NRG3: variants seen among roughly 807,000 people sequenced by gnomAD.
NRG3 encodes the protein pro-neuregulin-3, membrane-bound isoform.
A neutral mutation model predicts 66.9 loss-of-function variants in NRG3; 31 were observed. The observed-to-expected ratio is 0.46, with a 90% CI of 0.35 to 0.63. The LOEUF is 0.63. Among genes scored for constraint, NRG3 ranks in the 20% least tolerant of loss-of-function variants. The pLI, the probability that NRG3 is intolerant of heterozygous loss-of-function variation, is 0.00. For synonymous variants in NRG3, 393 were observed against 359.4 expected (o/e 1.09, Z -1.06); for missense variants, 910 against 878.9 (o/e 1.04, Z -0.45).
chr10:82,321,434 C>T (rs1357372092), intron 1 of NRG3, among the ~76,000 whole-genome samples: 6 of 152,172 alleles, frequency 3.9e-5, no homozygotes, highest in Non-Finnish European at 8.8e-5. Context: ...TCCTTAAAAC[C>T]ACCTGCGACG....
rs141352615 is a variant in NRG3 at position 82,746,068 on chromosome 10, T to A, written c.1027+7418T>A. Among the ~76,000 whole-genome samples the A allele has an allele frequency of 4.2e-3, 640 of 152,186 alleles. 8 individuals carry two copies. The highest frequency in any genetic ancestry group is 0.014 in the African/African-American group (586 of 41,538). ...CACACTCAACTACTTTTTAAAAAAA[T>A]GTTTATAAGGACAGGGTCTTGCTAT... is the stretch of plus-strand genomic sequence containing the variant. On this transcript the variant is annotated intron_variant, in intron 3 of 8. Transcript: ENST00000372141.
chr10:82,214,621 C>T (rs1024219323), intron 1 of NRG3, among the ~76,000 whole-genome samples: 4 of 150,954 alleles, frequency 2.6e-5, no homozygotes, highest in Admixed American at 6.6e-5. Flanking sequence ...TGCCACCACA[C>T]CTGGCTAATT....
chr10:82,169,750 T>C (rs1055976216), intron 1 of NRG3, among the ~76,000 whole-genome samples: 4 of 151,850 alleles, frequency 2.6e-5, no homozygotes, highest in Admixed American at 2.0e-4. Context: ...TTTTATTCTC[T>C]ATTAAAGATT....
In NRG3 at chr10:82,434,824, A is replaced by C. The variant is rs184689957; in HGVS notation, c.953+75956A>C. ...TTGATCGTGGTGGATAAGTTGTTTGATGTTCTGCTGGTTTCCGTTTCCCAT... is the reference window on the plus strand; with the variant it reads ...TTGATCGTGGTGGATAAGTTGTTTGCTGTTCTGCTGGTTTCCGTTTCCCAT... On this transcript the variant is annotated intron_variant, in intron 2 of 8. Coordinates refer to ENST00000372141, the MANE Select transcript of NRG3 (RefSeq NM_001010848.4). 4.9e-3 allele frequency among the ~76,000 whole-genome samples: 746 copies of C among 152,092 alleles called. 9 individuals carry two copies. The Middle Eastern group carries it at 0.054, about 11-fold the overall frequency.
intron 2 of NRG3, among the ~76,000 whole-genome samples, chr10:82,383,815 G>C (rs1252851694): frequency 2.6e-5 from 4 of 151,794 alleles, no homozygotes; most frequent in Non-Finnish European, 5.9e-5. Context: ...TTAAATAAAT[G>C]ATAATTTTTC....
intron 4 of NRG3, among the ~76,000 whole-genome samples, chr10:82,929,258 C>G (rs1351732192): frequency 6.6e-6 from 1 of 152,116 alleles, no homozygotes; most frequent in African/African-American, 2.4e-5. Context: ...CATGAAATAT[C>G]TTCTGCTTTG....
chr10:81,966,122 T>A (rs1205361041), intron 1 of NRG3, among the ~76,000 whole-genome samples: 2 of 151,838 alleles, frequency 1.3e-5, no homozygotes, highest in African/African-American at 4.8e-5. Context: ...TATAAATGTT[T>A]TTCAACACAT....
At chr10:82,313,171 TCAAAAAAA>T (rs1034809454) in intron 1 of NRG3, among the ~76,000 whole-genome samples, 13 of 151,446 alleles carry the variant, frequency 8.6e-5, no homozygotes, top group African/African-American at 3.2e-4. Context: ...AGACCCTGTC[TCAAAAAAA>T]CAAAAAAATT....
At chr10:82,674,132 T>C (rs2053499238) in intron 2 of NRG3, among the ~76,000 whole-genome samples, 1 of 152,164 alleles carries the variant, frequency 6.6e-6, no homozygotes, top group African/African-American at 2.4e-5. Flanking sequence ...GGACTCTGTA[T>C]GGCAAAATTA....
rs534365345 is a variant in NRG3, at chr10:82,825,729, A to G, written c.1028-39682A>G. 2.1e-4 allele frequency among the ~76,000 whole-genome samples: 32 copies of G among 152,338 alleles called. 1 individual carries two copies. The South Asian group carries it at 6.4e-3, about 31-fold the overall frequency. ...CGGATGAAGTTACATATCTGTTTATATATTTCAACAAGGGAAAGCTAATCA... is the reference window on the plus strand; with the variant it reads ...CGGATGAAGTTACATATCTGTTTATGTATTTCAACAAGGGAAAGCTAATCA... On this transcript the variant is annotated intron_variant, in intron 3 of 8. Coordinates refer to ENST00000372141, the MANE Select transcript of NRG3 (RefSeq NM_001010848.4).
At chr10:82,140,516 G>T (rs955485919) in intron 1 of NRG3, among the ~76,000 whole-genome samples, 1 of 152,106 alleles carries the variant, frequency 6.6e-6, no homozygotes, top group Non-Finnish European at 1.5e-5. Context: ...TTTATTAAAT[G>T]AGTTTCCAAA....
intron 1 of NRG3, among the ~76,000 whole-genome samples, chr10:82,282,045 C>G (rs2079149498): frequency 6.6e-6 from 1 of 151,786 alleles, no homozygotes; most frequent in Non-Finnish European, 1.5e-5. Flanking sequence ...GGCTGTGGGT[C>G]TCAAACTCAT....
chr10:82,135,940 T>C (rs1378078940), intron 1 of NRG3, among the ~76,000 whole-genome samples: 1 of 152,152 alleles, frequency 6.6e-6, no homozygotes, highest in African/African-American at 2.4e-5. Context: ...GGGTATTTTT[T>C]GTAGTCTTTG....
intron 2 of NRG3, among the ~76,000 whole-genome samples, chr10:82,388,265 T>C (rs1249444380): frequency 6.6e-6 from 1 of 152,156 alleles, no homozygotes; most frequent in African/African-American, 2.4e-5. Context: ...TATGAACAAA[T>C]GTGGACCCAT....
intron 2 of NRG3, among the ~76,000 whole-genome samples, chr10:82,563,009 G>A (rs1291106643): frequency 6.6e-6 from 1 of 152,054 alleles, no homozygotes; most frequent in African/African-American, 2.4e-5. Flanking sequence ...TGCAGAAAGA[G>A]AAAAATGGGC....
chr10:82,203,431 C>T (rs955253918), intron 1 of NRG3, among the ~76,000 whole-genome samples: 12 of 152,126 alleles, frequency 7.9e-5, no homozygotes, highest in African/African-American at 2.9e-4. Context: ...GTAGCTTGTA[C>T]TCTTTCACAT....
intron 1 of NRG3, among the ~76,000 whole-genome samples, chr10:82,049,249 C>T (rs1284711414): frequency 6.6e-6 from 1 of 152,048 alleles, no homozygotes; most frequent in Non-Finnish European, 1.5e-5. Context: ...AGATTGCTGC[C>T]TTATTTTTTA....
intron 1 of NRG3, among the ~76,000 whole-genome samples, chr10:82,040,780 A>G (rs76102551): frequency 2.0e-5 from 3 of 152,044 alleles, no homozygotes; most frequent in African/African-American, 7.2e-5. Context: ...TGTCAGAAAA[A>G]GAAAATGACA....
intron 1 of NRG3, among the ~76,000 whole-genome samples, chr10:82,080,014 A>G (rs186046288): frequency 6.6e-6 from 1 of 152,208 alleles, no homozygotes; most frequent in Non-Finnish European, 1.5e-5. Flanking sequence ...AAAAATCTGC[A>G]TGCCTTTTTC....
Sources: gnomAD v4.1 joint callset for allele counts (sites outside exome capture counted in the v4.1 genomes callset) on GRCh38, gnomAD v4.1.1 for gene constraint, MANE v1.5 for transcripts, NCBI Gene and HGNC (gene_info 2026-07-23, HGNC 2026-07-21) for gene names.